Variants in VMP1 observed in about 807,000 individuals in gnomAD.
The protein encoded by VMP1 is vacuole membrane protein 1.
VMP1 carries 11 observed loss-of-function variants against 56.0 expected under a neutral mutation model. The ratio of observed to expected loss-of-function variants is 0.20; its 90% CI spans 0.12 to 0.32. The LOEUF is 0.32. Ranked by LOEUF, VMP1 falls within the 10% of genes least tolerant of loss-of-function variation. The pLI is 1.00. For missense variants in VMP1, 296 were observed against 490.3 expected (o/e 0.60, Z 3.74); for synonymous variants, 149 against 165.0 (o/e 0.90, Z 0.74).
intron 10 of VMP1, among the ~76,000 whole-genome samples, chr17:59,823,513 G>T (rs910634392): frequency 6.6e-6 from 1 of 151,490 alleles, no homozygotes; most frequent in Admixed American, 6.6e-5. Context: ...ACTTTGGGAG[G>T]CTGAGGTGGG....
At chr17:59,750,447 G>A (rs2035596844) in intron 5 of VMP1, among the ~76,000 whole-genome samples, 1 of 151,734 alleles carries the variant, frequency 6.6e-6, no homozygotes, top group Non-Finnish European at 1.5e-5. Context: ...GATTATAGGT[G>A]TCCACCACCA....
At chr17:59,721,215 A>C (rs2034382784) in intron 1 of VMP1, among the ~76,000 whole-genome samples, 1 of 151,870 alleles carries the variant, frequency 6.6e-6, no homozygotes, top group Admixed American at 6.6e-5. Context: ...GTGTGGTGGC[A>C]CACACCTGTA....
chr17:59,758,132 C>A (rs545549302), intron 5 of VMP1, among the ~76,000 whole-genome samples: 3 of 152,092 alleles, frequency 2.0e-5, no homozygotes, highest in Admixed American at 2.0e-4. Context: ...ATGAGCCACC[C>A]TGCCTTGCCT....
intron 10 of VMP1, among the ~76,000 whole-genome samples, chr17:59,836,962 GA>G (rs541761727): frequency 5.2e-4 from 79 of 152,168 alleles, no homozygotes; most frequent in African/African-American, 1.9e-3. Context: ...AGCACTTTGG[GA>G]GGCCGAGGAA....
At chr17:59,745,931 AT>A (rs1294915401) in intron 5 of VMP1, among the ~76,000 whole-genome samples, 6 of 151,996 alleles carry the variant, frequency 3.9e-5, no homozygotes, top group African/African-American at 1.4e-4. Flanking sequence ...TGAAATATGA[AT>A]TTTTTTTCTG....
chr17:59,780,905 A>G (rs2036800338), intron 7 of VMP1, among the ~76,000 whole-genome samples: 1 of 151,814 alleles, frequency 6.6e-6, no homozygotes, highest in Admixed American at 6.6e-5. Context: ...TCTTTTCTTC[A>G]TTCCTTTTCA....
chr17:59,821,278 G>A (rs557795555), intron 10 of VMP1, among the ~76,000 whole-genome samples: 3 of 151,614 alleles, frequency 2.0e-5, no homozygotes, highest in Admixed American at 6.6e-5. Context: ...CCTATCTTAC[G>A]TCTTTCAAAG....
intron 8 of VMP1, among the ~76,000 whole-genome samples, chr17:59,809,546 G>A (rs1209993948): frequency 1.7e-5 from 2 of 115,148 alleles, no homozygotes; most frequent in Admixed American, 1.0e-4. Context: ...TCGCTCTGTC[G>A]CCCAGGCGGT....
At chr17:59,815,004 T>A (rs1242553459) in intron 9 of VMP1, among the ~76,000 whole-genome samples, 1 of 152,180 alleles carries the variant, frequency 6.6e-6, no homozygotes. Flanking sequence ...ACACACCGAT[T>A]TTTTTCTACC....
At chr17:59,754,737 C>T (rs927793532) in intron 5 of VMP1, among the ~76,000 whole-genome samples, 1 of 152,122 alleles carries the variant, frequency 6.6e-6, no homozygotes, top group Non-Finnish European at 1.5e-5. Context: ...CATGAAAGCT[C>T]TTCTCCCTGT....
intron 2 of VMP1, among the ~76,000 whole-genome samples, chr17:59,733,562 C>A (rs1363182697): frequency 6.6e-6 from 1 of 151,986 alleles, no homozygotes; most frequent in African/African-American, 2.4e-5. Flanking sequence ...ACTAGCCGGG[C>A]GTGGTGGCAG....
rs1324059888 is a variant in VMP1 at position 59,792,873 on chromosome 17, AATAATT to A, written c.715-15920_715-15915del. 7.1e-4 allele frequency among the ~76,000 whole-genome samples: 32 copies of A among 44,802 alleles called. 3 individuals carry two copies. Among genetic ancestry groups the A allele is most frequent in the African/African-American group, 1.5e-3 (32 of 21,270 alleles). 29.4% of individuals were successfully genotyped at this position (44,802 alleles called of 152,430 possible). ...CTCAAAAAATAATAATAATAATAAT[AATAATT>A]ATTATTATTATTATCAGATGAGTGG... is the stretch of plus-strand genomic sequence containing the variant. On this transcript the variant is annotated intron_variant, in intron 7 of 11. Coordinates refer to ENST00000262291, the MANE Select transcript of VMP1 (RefSeq NM_030938.5).
intron 7 of VMP1, among the ~76,000 whole-genome samples, chr17:59,792,135 T>C (rs576885066): frequency 6.6e-6 from 1 of 152,074 alleles, no homozygotes; most frequent in Admixed American, 6.6e-5. Context: ...AAATTAATCA[T>C]ACATGGTGGC....
chr17:59,836,120 G>T (rs2038972435), intron 10 of VMP1, among the ~76,000 whole-genome samples: 1 of 151,318 alleles, frequency 6.6e-6, no homozygotes, highest in South Asian at 2.1e-4. Context: ...AGGTCTTCTA[G>T]TCTGATCAGT....
chr17:59,751,017 C>T (rs1460306395), intron 5 of VMP1, among the ~76,000 whole-genome samples: 1 of 150,514 alleles, frequency 6.6e-6, no homozygotes. Context: ...ACTGCAAACC[C>T]CGCCTCCTGG....
intron 7 of VMP1, among the ~76,000 whole-genome samples, chr17:59,794,162 T>A (rs2037344765): frequency 6.7e-6 from 1 of 148,594 alleles, no homozygotes. Context: ...CCTTGTGATC[T>A]GCCTGCCTCA....
chr17:59,740,729 A>G (rs948215180), intron 5 of VMP1, among the ~76,000 whole-genome samples: 5 of 152,196 alleles, frequency 3.3e-5, no homozygotes, highest in Non-Finnish European at 7.3e-5. Flanking sequence ...CACTACATTC[A>G]CTAGTAGAGG....
intron 5 of VMP1, among the ~76,000 whole-genome samples, chr17:59,744,462 C>CAA (rs60407542): frequency 3.3e-4 from 18 of 53,808 alleles, no homozygotes; most frequent in African/African-American, 7.9e-4. Flanking sequence ...AATTCCATCT[C>CAA]AAAAAAAAAA....
chr17:59,806,659 G>A (rs1439827839), intron 7 of VMP1, among the ~76,000 whole-genome samples: 1 of 147,432 alleles, frequency 6.8e-6, no homozygotes, highest in Non-Finnish European at 1.5e-5. Flanking sequence ...AGTTTGCAGT[G>A]AGCCAAGATC....
Sources: gnomAD v4.1 joint callset for allele counts (sites outside exome capture counted in the v4.1 genomes callset) on GRCh38, gnomAD v4.1.1 for gene constraint, MANE v1.5 for transcripts, NCBI Gene and HGNC (gene_info 2026-07-23, HGNC 2026-07-21) for gene names.